ABCC12: variants seen among roughly 807,000 people sequenced by gnomAD.
ABCC12 encodes the protein ATP binding cassette subfamily C member 12, also known as ATP-binding cassette sub-family C member 12.
ABCC12 carries 142 observed loss-of-function variants against 151.1 expected under a neutral mutation model. The ratio of observed to expected loss-of-function variants is 0.94; its 90% confidence interval spans 0.82 to 1.08. ABCC12 has a LOEUF of 1.08. ABCC12 is among the 50% of genes least tolerant of loss of function. The pLI, the probability that ABCC12 is intolerant of heterozygous loss-of-function variation, is 0.00. For synonymous variants in ABCC12, 645 were observed against 646.4 expected, an observed-to-expected ratio of 1.00 and a Z score of 0.03; for missense variants, 1,638 against 1,691.1, an observed-to-expected ratio of 0.97 and a Z score of 0.55.
chr16:48,116,627 C>T (rs1963893242), intron 14 of ABCC12, among the ~76,000 whole-genome samples: 1 of 152,122 alleles, frequency 6.6e-6, no homozygotes, highest in Non-Finnish European at 1.5e-5. Context: ...GGCTTCACGG[C>T]CACTTCCTTG....
At position 48,095,070 on chromosome 16, in the gene ABCC12, A is replaced by G. The variant is rs117316252; in HGVS notation, c.3195+1676T>C. Among the ~76,000 whole-genome samples, 529 of 152,332 alleles carry G rather than the reference A, an allele frequency of 3.5e-3. 1 individual carries two copies. Among genetic ancestry groups the G allele is most frequent in the Non-Finnish European group, 6.5e-3 (440 of 68,022 alleles). ...GTTTAGGAGGGGAAAAAAAGACTCT[A>G]ACTGATATGGTTTGGCTTTGTCCCC... On this transcript the variant is annotated intron_variant, in intron 24 of 30. Transcript: ENST00000311303.
intron 22 of ABCC12, among the ~76,000 whole-genome samples, chr16:48,102,536 C>G (rs1325914430): frequency 1.3e-5 from 2 of 152,160 alleles, no homozygotes; most frequent in African/African-American, 2.4e-5. Flanking sequence ...GACACCCTAA[C>G]AATTTCGCTT....
At chr16:48,106,153 G>A (rs995905087) in intron 20 of ABCC12, among the ~76,000 whole-genome samples, 3 of 152,192 alleles carry the variant, frequency 2.0e-5, no homozygotes, top group Non-Finnish European at 2.9e-5. Context: ...CAGTCATAGC[G>A]GAAATGTAAA....
intron 2 of ABCC12, among the ~76,000 whole-genome samples, chr16:48,151,279 T>C (rs1965113693): frequency 6.6e-6 from 1 of 152,088 alleles, no homozygotes; most frequent in African/African-American, 2.4e-5. Flanking sequence ...GAGAAAAACA[T>C]CAGACGAATC....
chr16:48,140,766 C>G lies in ABCC12; in HGVS notation c.578G>C (p.Arg193Pro). Reference protein sequence around the residue: ...AWAINYRTAIRLKVALSTLVF... With the variant: ...AWAINYRTAIPLKVALSTLVF... ...CAAGGTGGAGAGCGCCACCTTCAAC[C>G]GGATGGCCGTGCGGTAGTTGATGGC... The change falls in exon 6 of 31, where the codon CGG becomes CCG. Residue 193 changes from arginine to proline, a missense_variant. Arg to Pro is a moderately radical substitution (Grantham distance 103, BLOSUM62 -2). Transcript: ENST00000311303. The G allele has an allele frequency of 6.2e-7, 1 of 1,614,148 alleles. No individual in the cohort carries two copies. The highest frequency in any genetic ancestry group is 8.5e-7 in the Non-Finnish European group (1 of 1,180,022).
chr16:48,121,475 T>C (rs940309388), intron 13 of ABCC12: 2 of 453,254 alleles, frequency 4.4e-6, no homozygotes, highest in South Asian at 2.5e-5. Context: ...TCCTCTGCCC[T>C]GGGAATGAAG....
intron 4 of ABCC12, 92 bp from the exon 5 acceptor site, chr16:48,141,445 G>A (rs1286282623): frequency 1.8e-5 from 27 of 1,502,238 alleles, no homozygotes; most frequent in East Asian, 2.3e-5. Context: ...AAGGGTGCTC[G>A]GCAGAGCCCC....
intron 18 of ABCC12, 139 bp from the exon 19 acceptor site, chr16:48,108,668 T>C: frequency 1.6e-6 from 1 of 643,826 alleles, no homozygotes; most frequent in Non-Finnish European, 2.7e-6. Context: ...TGCTCTCAAA[T>C]GCACTTCCAA....
At chr16:48,129,021 G>A (rs979996331) in intron 10 of ABCC12, among the ~76,000 whole-genome samples, 2 of 152,134 alleles carry the variant, frequency 1.3e-5, no homozygotes, top group African/African-American at 4.8e-5. Context: ...CAAGACAGTC[G>A]GTCTTACCAG....
intron 23 of ABCC12, among the ~76,000 whole-genome samples, chr16:48,100,121 A>C (rs1374083028): frequency 6.6e-6 from 1 of 151,984 alleles, no homozygotes; most frequent in Non-Finnish European, 1.5e-5. Flanking sequence ...CACCACACCC[A>C]GCTAATTTTT....
chr16:48,097,100 C>T (rs1040662141), intron 23 of ABCC12, among the ~76,000 whole-genome samples, 198 bp from the exon 24 acceptor site: 4 of 152,194 alleles, frequency 2.6e-5, no homozygotes, highest in Non-Finnish European at 5.9e-5. Context: ...AAATCTGCCA[C>T]TCTAGACATC....
rs1268353602 is a variant in ABCC12 at position 48,111,812 on chromosome 16, T to C, written c.2088A>G (p.Ala696=). ...KELMEERGRY[A]KLIHNLRGLQ... is the part of the protein sequence containing the mutation. ...ATCCTCGCAGGTTGTGAATCAGTTT[T>C]GCATAGCGCCCTCTCTCCTCCATTA... The change falls in exon 16 of 31, where the codon GCA becomes GCG. Residue 696 remains alanine, a synonymous_variant. Transcript: ENST00000311303. 1 of 1,614,100 alleles carries C rather than the reference T, an allele frequency of 6.2e-7. No individual in the cohort carries two copies. Among genetic ancestry groups the C allele is most frequent in the Non-Finnish European group, 8.5e-7 (1 of 1,180,042 alleles).
chr16:48,151,941 G>C (rs1371274491), intron 2 of ABCC12, among the ~76,000 whole-genome samples: 4 of 152,202 alleles, frequency 2.6e-5, no homozygotes, highest in Admixed American at 6.5e-5. Context: ...TGGGAGGTGA[G>C]ACTAGAAGGA....
intron 14 of ABCC12, 56 bp downstream of exon 14, chr16:48,117,205 C>A: frequency 6.5e-7 from 1 of 1,532,346 alleles, no homozygotes; most frequent in Non-Finnish European, 8.9e-7. Context: ...CCCTTTGGAC[C>A]TGAGCAAATG....
At chr16:48,140,635 C>A in intron 6 of ABCC12, 52 bp downstream of exon 6, 1 of 1,562,060 alleles carries the variant, frequency 6.4e-7, no homozygotes, top group South Asian at 1.2e-5. Context: ...CACATGCACT[C>A]AAACCACTCA....
chr16:48,097,329 G>A (rs1336221571), intron 23 of ABCC12, among the ~76,000 whole-genome samples: 3 of 152,086 alleles, frequency 2.0e-5, no homozygotes, highest in African/African-American at 4.8e-5. Flanking sequence ...TATAGAAAGG[G>A]TGGGGGTGGG....
At chr16:48,095,940 C>A (rs1213791714) in intron 24 of ABCC12, among the ~76,000 whole-genome samples, 2 of 152,108 alleles carry the variant, frequency 1.3e-5, no homozygotes, top group African/African-American at 4.8e-5. Context: ...ACATGAGGAC[C>A]AGGTGGCCTG....
chr16:48,085,481 C>A, intron 29 of ABCC12, 112 bp downstream of exon 29: 1 of 902,556 alleles, frequency 1.1e-6, no homozygotes, highest in South Asian at 1.5e-5. Context: ...TTTTAAATGG[C>A]TCAATTGCTG....
intron 13 of ABCC12, chr16:48,121,497 T>A (rs1226763128): frequency 1.9e-6 from 1 of 523,656 alleles, no homozygotes; most frequent in African/African-American, 1.9e-5. Context: ...GCCGATTCTA[T>A]CCTCTTCCCA....
Sources: allele counts gnomAD v4.1 joint callset (sites outside exome capture counted in the v4.1 genomes callset), GRCh38; gene constraint gnomAD v4.1.1; transcripts MANE v1.5; gene names NCBI Gene and HGNC (gene_info 2026-07-23, HGNC 2026-07-21).